GSK3B: variants seen among roughly 807,000 people sequenced by gnomAD.
The protein encoded by GSK3B is glycogen synthase kinase-3 beta.
A neutral mutation model predicts 56.4 loss-of-function variants in GSK3B; 15 were observed. The ratio of observed to expected loss-of-function variants is 0.27; its 90% CI spans 0.18 to 0.41. GSK3B has a LOEUF of 0.41. GSK3B is among the 10% of genes least tolerant of loss of function. The probability of loss-of-function intolerance (pLI) is 1.00; values close to 1 mark genes in which losing one functional copy is unlikely to be tolerated. For missense variants in GSK3B, 300 were observed against 513.4 expected (o/e 0.58, Z 4.02); for synonymous variants, 181 against 188.9 (o/e 0.96, Z 0.34).
chr3:119,859,185 A>AT (rs397938584), intron 9 of GSK3B, among the ~76,000 whole-genome samples: 304 of 14,288 alleles, frequency 0.021, no homozygotes, highest in African/African-American at 0.031. Context: ...TTGTGTATAT[A>AT]AAAAAAAAAA....
intron 1 of GSK3B, among the ~76,000 whole-genome samples, chr3:120,054,909 T>C (rs1359964215): frequency 6.6e-6 from 1 of 152,228 alleles, no homozygotes; most frequent in Non-Finnish European, 1.5e-5. Context: ...TAAACACTGG[T>C]ATCCATCTGG....
At chr3:119,852,133 T>G (rs1049342468) in intron 9 of GSK3B, among the ~76,000 whole-genome samples, 2 of 152,188 alleles carry the variant, frequency 1.3e-5, no homozygotes, top group African/African-American at 4.8e-5. Context: ...ACTGTTTTGG[T>G]AATACTGGTG....
intron 1 of GSK3B, among the ~76,000 whole-genome samples, chr3:120,082,385 CTTTTTTTTTTTTT>C (rs1173737285): frequency 0.035 from 2,313 of 66,416 alleles, 85 homozygotes; most frequent in African/African-American, 0.11. Context: ...TTAGTATGTT[CTTTTTTTTTTTTT>C]TTTTTTTTTT....
rs536381312 is a variant in GSK3B at position 119,919,311 on chromosome 3, T to G, written c.478-3137A>C. On this transcript the variant is annotated intron_variant, in intron 4 of 10. Coordinates refer to ENST00000264235, the MANE Select transcript of GSK3B (RefSeq NM_001146156.2). ...GAAGGCAAGAGTTACTTGCATTTAC[T>G]ACTTTTATATCGCTCTCACAATCTA... Among the ~76,000 whole-genome samples the G allele has an allele frequency of 2.0e-5, 3 of 152,316 alleles. No individual in the cohort carries two copies. In the East Asian group the frequency reaches 5.8e-4, roughly 29 times the overall value.
chr3:119,975,198 G>A (rs1054652354), intron 2 of GSK3B, among the ~76,000 whole-genome samples: 5 of 152,194 alleles, frequency 3.3e-5, no homozygotes, highest in Non-Finnish European at 7.3e-5. Flanking sequence ...TGTAATCCCA[G>A]AACTTTGGAA....
At chr3:119,841,950 A>G (rs1425420683) in intron 10 of GSK3B, among the ~76,000 whole-genome samples, 4 of 152,212 alleles carry the variant, frequency 2.6e-5, no homozygotes, top group Non-Finnish European at 5.9e-5. Context: ...CTGTTTAATG[A>G]TAAGAACTAG....
chr3:120,005,634 A>G (rs1259209418), intron 1 of GSK3B, among the ~76,000 whole-genome samples: 1 of 152,254 alleles, frequency 6.6e-6, no homozygotes, highest in Non-Finnish European at 1.5e-5. Flanking sequence ...ACATTCTTAA[A>G]GAAAAGAATT....
intron 10 of GSK3B, among the ~76,000 whole-genome samples, chr3:119,827,585 T>TAAAAAA (rs1156408098): frequency 2.4e-5 from 1 of 42,110 alleles, no homozygotes; most frequent in East Asian, 7.3e-4. Flanking sequence ...ATACCGTCTT[T>TAAAAAA]AAAAAAAAAA....
intron 2 of GSK3B, among the ~76,000 whole-genome samples, chr3:119,996,053 A>G (rs1023803250): frequency 6.6e-6 from 1 of 152,234 alleles, no homozygotes; most frequent in African/African-American, 2.4e-5. Context: ...CTGAAATTAT[A>G]TCAAAATAAA....
At chr3:120,045,661 G>A (rs1036948560) in intron 1 of GSK3B, among the ~76,000 whole-genome samples, 3 of 152,154 alleles carry the variant, frequency 2.0e-5, no homozygotes, top group East Asian at 1.9e-4. Flanking sequence ...CTCCATCCAC[G>A]AGACACGCCC....
rs189936436 is a variant in GSK3B at position 119,927,708 on chromosome 3, T to A, written c.367-4225A>T. Among the ~76,000 whole-genome samples, 298 of 152,222 alleles carry A rather than the reference T, an allele frequency of 2.0e-3. 1 individual carries two copies. The highest frequency in any genetic ancestry group is 3.2e-3 in the Non-Finnish European group (217 of 68,010). ...GCAAGAGTGGAGTACAGCTTGAGAT[T>A]CAGGCAATAGCTGAAGCCATGAGAA... On this transcript the variant is annotated intron_variant, in intron 3 of 10. Coordinates refer to ENST00000264235, the MANE Select transcript of GSK3B (RefSeq NM_001146156.2).
intron 7 of GSK3B, among the ~76,000 whole-genome samples, chr3:119,880,222 G>C (rs2056364812): frequency 6.6e-6 from 1 of 152,174 alleles, no homozygotes. Context: ...GATGATCAAT[G>C]ATGTTGAGCA....
At chr3:119,827,602 A>G (rs1162180519) in intron 10 of GSK3B, among the ~76,000 whole-genome samples, 1 of 141,414 alleles carries the variant, frequency 7.1e-6, no homozygotes, top group African/African-American at 2.5e-5. Flanking sequence ...AAAAAAAAAA[A>G]AAAAAAAGAG....
chr3:119,841,726 A>G (rs1297917365), intron 10 of GSK3B, among the ~76,000 whole-genome samples: 1 of 152,340 alleles, frequency 6.6e-6, no homozygotes, highest in South Asian at 2.1e-4. Flanking sequence ...GGGAAAATGA[A>G]TAAGACACTA....
intron 1 of GSK3B, among the ~76,000 whole-genome samples, chr3:120,012,436 G>T (rs572621204): frequency 6.6e-6 from 1 of 152,098 alleles, no homozygotes; most frequent in Admixed American, 6.5e-5. Flanking sequence ...CTTCGAAACC[G>T]CCTTGAAGGT....
At chr3:119,828,292 A>G (rs1003247175) in intron 10 of GSK3B, among the ~76,000 whole-genome samples, 1 of 152,158 alleles carries the variant, frequency 6.6e-6, no homozygotes, top group Non-Finnish European at 1.5e-5. Context: ...TGGGCATCTA[A>G]CTGTGTCCAA....
At chr3:120,013,023 G>A (rs968975702) in intron 1 of GSK3B, among the ~76,000 whole-genome samples, 1 of 152,000 alleles carries the variant, frequency 6.6e-6, no homozygotes, top group South Asian at 2.1e-4. Flanking sequence ...TGGCGGTTTA[G>A]GCATATCCCA....
chr3:119,992,469 G>A (rs1357960921), intron 2 of GSK3B, among the ~76,000 whole-genome samples: 1 of 151,992 alleles, frequency 6.6e-6, no homozygotes, highest in Admixed American at 6.6e-5. Flanking sequence ...AACTCCAAAT[G>A]GATCAGGGAT....
rs183038222 is a variant in GSK3B at position 120,038,747 on chromosome 3, T to C, written c.89-36508A>G. Among the ~76,000 whole-genome samples the C allele has an allele frequency of 9.3e-5, 14 of 151,176 alleles. No individual in the cohort carries two copies. In the East Asian group the frequency reaches 2.7e-3, roughly 29 times the overall value. On this transcript the variant is annotated intron_variant, in intron 1 of 10. Coordinates refer to ENST00000264235, the MANE Select transcript of GSK3B (RefSeq NM_001146156.2). ...GCAAAGCTATAAAACTTCTAAAAGA[T>C]AACAGGAAAAATCCAAGTAACCTTT...
Sources: allele counts gnomAD v4.1 joint callset (sites outside exome capture counted in the v4.1 genomes callset), GRCh38; gene constraint gnomAD v4.1.1; transcripts MANE v1.5; gene names NCBI Gene and HGNC (gene_info 2026-07-23, HGNC 2026-07-21).